The following SMAP1 variants were observed in gnomAD, a reference collection of about 807,000 sequenced individuals.
The protein encoded by SMAP1 is small ArfGAP 1, also known as stromal membrane-associated protein 1.
In SMAP1, 24 loss-of-function variants were observed where a neutral mutation model predicts 58.5. The ratio of observed to expected loss-of-function variants is 0.41; its 90% CI spans 0.30 to 0.58. The LOEUF is 0.58. Ranked by LOEUF, SMAP1 falls within the 20% of genes least tolerant of loss-of-function variation. The pLI is 0.29. For synonymous variants in SMAP1, 216 were observed against 196.6 expected, an observed-to-expected ratio of 1.10 and a Z score of -0.82; for missense variants, 563 against 566.3, an observed-to-expected ratio of 0.99 and a Z score of 0.06.
intron 4 of SMAP1, among the ~76,000 whole-genome samples, chr6:70,780,861 A>G (rs1767735521): frequency 6.6e-6 from 1 of 152,130 alleles, no homozygotes. Context: ...TCTTTTCATT[A>G]CAGTTTGCTT....
intron 8 of SMAP1, among the ~76,000 whole-genome samples, chr6:70,853,294 T>C (rs182296629): frequency 1.3e-5 from 2 of 152,274 alleles, no homozygotes; most frequent in East Asian, 1.9e-4. Flanking sequence ...AAATTTTGAA[T>C]TGCCTTCTTA....
At chr6:70,754,876 TAATA>T (rs1000021285) in intron 2 of SMAP1, 100 bp from the exon 3 acceptor site, 3 of 573,260 alleles carry the variant, frequency 5.2e-6, no homozygotes, top group Admixed American at 2.7e-5. Context: ...ATATTGGAAA[TAATA>T]AATTATTTGG....
intron 2 of SMAP1, among the ~76,000 whole-genome samples, chr6:70,752,339 T>C (rs1766314600): frequency 6.6e-6 from 1 of 152,182 alleles, no homozygotes; most frequent in Non-Finnish European, 1.5e-5. Context: ...ATCAAAATCA[T>C]TGATGGGTGA....
intron 1 of SMAP1, among the ~76,000 whole-genome samples, chr6:70,719,745 C>T (rs1469759537): frequency 6.6e-6 from 1 of 152,078 alleles, no homozygotes; most frequent in East Asian, 1.9e-4. Context: ...GAGGAAGAAG[C>T]AAAAGTGGAA....
At chr6:70,668,577 C>G (rs1221500313) in intron 1 of SMAP1, 7 of 1,535,444 alleles carry the variant, frequency 4.6e-6, no homozygotes, top group Non-Finnish European at 6.1e-6. Flanking sequence ...CTCCTCTACC[C>G]TCCGGTGTGA....
intron 1 of SMAP1, among the ~76,000 whole-genome samples, chr6:70,723,664 G>T (rs1368014131): frequency 6.6e-6 from 1 of 152,076 alleles, no homozygotes. Flanking sequence ...TTCCATGATG[G>T]CTGGAGTTTA....
At chr6:70,827,664 A>G (rs1194724608) in intron 6 of SMAP1, among the ~76,000 whole-genome samples, 1 of 152,178 alleles carries the variant, frequency 6.6e-6, no homozygotes, top group Non-Finnish European at 1.5e-5. Flanking sequence ...CGTGTAAGAG[A>G]GATGTTACAG....
intron 10 of SMAP1, 196 bp from the exon 11 acceptor site, chr6:70,860,004 C>T: frequency 2.0e-6 from 1 of 499,384 alleles, no homozygotes; most frequent in Non-Finnish European, 3.2e-6. Flanking sequence ...TTTGGGGAAA[C>T]TGTATCTAGA....
intron 1 of SMAP1, among the ~76,000 whole-genome samples, chr6:70,729,459 T>TTGTGTGTGTGTGTGTGTGTGTGTGTG (rs35058846): frequency 5.5e-5 from 7 of 128,156 alleles, no homozygotes; most frequent in Non-Finnish European, 8.0e-5. Context: ...AAAAAGAAGG[T>TTGTGTGTGTGTGTGTGTGTGTGTGTG]TGTGTGTGTG....
chr6:70,793,644 TAGAGAG>T (rs70990334), intron 5 of SMAP1, among the ~76,000 whole-genome samples: 149 of 140,426 alleles, frequency 1.1e-3, no homozygotes, highest in African/African-American at 1.1e-3. Context: ...GGAGAGTAGT[TAGAGAG>T]AGAGAGAGAG....
At chr6:70,680,184 A>G (rs1041830237) in intron 1 of SMAP1, among the ~76,000 whole-genome samples, 2 of 152,176 alleles carry the variant, frequency 1.3e-5, no homozygotes, top group African/African-American at 4.8e-5. Context: ...CACAAAAACT[A>G]ATTTGAGATG....
At chr6:70,748,868 C>T (rs1041490593) in intron 2 of SMAP1, among the ~76,000 whole-genome samples, 3 of 151,892 alleles carry the variant, frequency 2.0e-5, no homozygotes, top group African/African-American at 4.8e-5. Flanking sequence ...TTTTTCCTCA[C>T]ATATTTTATG....
At chr6:70,690,066 T>A (rs149077018) in intron 1 of SMAP1, among the ~76,000 whole-genome samples, 2,008 of 152,276 alleles carry the variant, frequency 0.013, 54 homozygotes, top group African/African-American at 0.045. Context: ...TTTATTGCAC[T>A]GACTAGAACC....
chr6:70,798,051 C>T (rs77081514), intron 5 of SMAP1, among the ~76,000 whole-genome samples: 4,519 of 152,060 alleles, frequency 0.03, 141 homozygotes, highest in South Asian at 0.11. Context: ...TACTTCACTG[C>T]CTTACACTAG....
At chr6:70,833,870 G>A (rs1770461706) in intron 6 of SMAP1, among the ~76,000 whole-genome samples, 1 of 152,138 alleles carries the variant, frequency 6.6e-6, no homozygotes, top group South Asian at 2.1e-4. Flanking sequence ...TTGATAAACT[G>A]TTTAGGATTT....
chr6:70,704,245 A>C (rs965988194), intron 1 of SMAP1, among the ~76,000 whole-genome samples: 5 of 152,244 alleles, frequency 3.3e-5, no homozygotes, highest in African/African-American at 9.6e-5. Flanking sequence ...TTACAGGAGA[A>C]AATGAAAACT....
chr6:70,842,110 C>T (rs902502251), intron 7 of SMAP1, among the ~76,000 whole-genome samples: 1 of 152,194 alleles, frequency 6.6e-6, no homozygotes, highest in African/African-American at 2.4e-5. Context: ...GTTATGTGCA[C>T]ATTCCCCTTC....
At chr6:70,752,393 T>C (rs1404324686) in intron 2 of SMAP1, among the ~76,000 whole-genome samples, 1 of 152,222 alleles carries the variant, frequency 6.6e-6, no homozygotes, top group East Asian at 1.9e-4. Flanking sequence ...TGATAGAATC[T>C]TAGGCCTGTT....
chr6:70,768,966 G>A (rs1292511197), intron 3 of SMAP1, among the ~76,000 whole-genome samples: 1 of 151,936 alleles, frequency 6.6e-6, no homozygotes, highest in Non-Finnish European at 1.5e-5. Context: ...GTTCTCGTTG[G>A]TTTCAAAGAA....
Sources: gnomAD v4.1 joint callset for allele counts (sites outside exome capture counted in the v4.1 genomes callset) on GRCh38, gnomAD v4.1.1 for gene constraint, MANE v1.5 for transcripts, NCBI Gene and HGNC (gene_info 2026-07-23, HGNC 2026-07-21) for gene names.